RALGAPA1: variants seen among roughly 807,000 people sequenced by gnomAD.
The protein encoded by RALGAPA1 is Ral GTPase activating protein catalytic subunit alpha 1, also known as ral GTPase-activating protein subunit alpha-1.
A neutral mutation model predicts 269.6 loss-of-function variants in RALGAPA1; 52 were observed. The observed-to-expected ratio is 0.19, with a 90% CI of 0.15 to 0.24. The LOEUF (loss-of-function observed/expected upper bound fraction) is 0.24, where lower values mean the gene tolerates loss of function less well. Ranked by LOEUF, RALGAPA1 falls within the 10% of genes least tolerant of loss-of-function variation. The pLI is 1.00. For synonymous variants in RALGAPA1, 817 were observed against 1,008.3 expected (o/e 0.81, Z 3.60); for missense variants, 1,917 against 3,013.9 (o/e 0.64, Z 8.52).
chr14:35,712,176 G>A (rs529309129), intron 16 of RALGAPA1, among the ~76,000 whole-genome samples: 5 of 151,236 alleles, frequency 3.3e-5, no homozygotes, highest in South Asian at 2.1e-4. Context: ...GAACCTGGGA[G>A]GCGAAGGTTG....
rs568572937 is a variant in RALGAPA1, at chr14:35,654,421, A to G, written c.5553T>C (p.His1851=). ...GGTAAATCTGAAGTCTAGGTACATA[A>G]TGAACCAGCATGTGAAGCATGTTAC... ...VACNMLHMLV[H]YVPRLQIYQP... is the part of the protein sequence containing the mutation. Residue 1851 remains histidine, a synonymous_variant, in exon 30 of 42, where the codon CAT becomes CAC. Transcript: ENST00000680220. 43 of 1,607,526 alleles carry G rather than the reference A, an allele frequency of 2.7e-5. No homozygotes were observed. Among genetic ancestry groups the G allele is most frequent in the African/African-American group, 2.0e-4 (15 of 74,870 alleles).
intron 16 of RALGAPA1, among the ~76,000 whole-genome samples, chr14:35,717,246 G>A (rs369003680): frequency 6.6e-6 from 1 of 152,240 alleles, no homozygotes; most frequent in Middle Eastern, 3.4e-3. Context: ...TGCCTCCCGG[G>A]TTCAAGCTAT....
chr14:35,618,539 A>C (rs2060401555), intron 35 of RALGAPA1, among the ~76,000 whole-genome samples: 1 of 152,162 alleles, frequency 6.6e-6, no homozygotes, highest in Non-Finnish European at 1.5e-5. Flanking sequence ...AGTTGTTTTC[A>C]TCAGAATCAG....
chr14:35,717,392 C>T lies in RALGAPA1; in HGVS notation c.2266+4296G>A, dbSNP rs548647423. On this transcript the variant is annotated intron_variant, in intron 16 of 41. Coordinates refer to ENST00000680220, the MANE Select transcript of RALGAPA1 (RefSeq NM_001346249.2). ...CTTGAACACCTGACCTCAGGTGATC[C>T]GCCCGCCTCGGCCTCCCAAAGTTCT... 3.2e-4 allele frequency among the ~76,000 whole-genome samples: 49 copies of T among 152,248 alleles called. 1 individual carries two copies. Among genetic ancestry groups the T allele is most frequent in the Admixed American group, 2.3e-3 (35 of 15,292 alleles).
intron 4 of RALGAPA1, among the ~76,000 whole-genome samples, chr14:35,768,807 A>G (rs1028280059): frequency 6.6e-6 from 1 of 151,632 alleles, no homozygotes; most frequent in Non-Finnish European, 1.5e-5. Flanking sequence ...TCGGGAGTTC[A>G]TGACCAGCCT....
At chr14:35,760,176 T>G (rs963380883) in intron 6 of RALGAPA1, among the ~76,000 whole-genome samples, 21 of 152,284 alleles carry the variant, frequency 1.4e-4, no homozygotes, top group African/African-American at 4.6e-4. Context: ...ATGAAAAATG[T>G]TAAATGATCT....
intron 10 of RALGAPA1, among the ~76,000 whole-genome samples, chr14:35,747,882 G>C (rs1179777906): frequency 6.6e-6 from 1 of 151,388 alleles, no homozygotes; most frequent in Admixed American, 6.6e-5. Flanking sequence ...ATAGCTTTTT[G>C]TTCTTTTATT....
At chr14:35,648,074 C>T (rs1179057737) in intron 31 of RALGAPA1, among the ~76,000 whole-genome samples, 1 of 150,644 alleles carries the variant, frequency 6.6e-6, no homozygotes, top group East Asian at 2.0e-4. Context: ...CAGGAGTTCA[C>T]GACTAGCCTG....
intron 16 of RALGAPA1, chr14:35,716,055 CCT>C: frequency 1.3e-5 from 13 of 984,728 alleles, no homozygotes; most frequent in Non-Finnish European, 1.6e-5. Context: ...TTAAAAAGCC[CCT>C]TTCTTCCCAA....
intron 32 of RALGAPA1, among the ~76,000 whole-genome samples, 171 bp from the exon 33 acceptor site, chr14:35,634,928 C>G (rs901704541): frequency 3.3e-5 from 5 of 152,152 alleles, no homozygotes; most frequent in Non-Finnish European, 7.4e-5. Context: ...GCAGGGATTA[C>G]AGGGAGGCCC....
At position 35,747,349 on chromosome 14, in the gene RALGAPA1, T is replaced by C. The variant is rs190870530; in HGVS notation, c.1251+1236A>G. ...AAACTGACTCAACAACTGGAAAGCC[T>C]GAATAGTTCTACAAGCTTTAAAATT... is the stretch of plus-strand genomic sequence containing the variant. On this transcript the variant is annotated intron_variant, in intron 10 of 41. Coordinates refer to ENST00000680220, the MANE Select transcript of RALGAPA1 (RefSeq NM_001346249.2). Among the ~76,000 whole-genome samples, 12 of 152,354 alleles carry C rather than the reference T, an allele frequency of 7.9e-5. No homozygotes were observed. In the East Asian group the frequency reaches 2.3e-3, roughly 29 times the overall value.
chr14:35,705,439 C>T (rs769030068), intron 16 of RALGAPA1, among the ~76,000 whole-genome samples: 18 of 151,772 alleles, frequency 1.2e-4, no homozygotes, highest in Non-Finnish European at 2.1e-4. Context: ...CAGTATGTAG[C>T]CTTTTCAGAT....
chr14:35,581,668 C>T (rs766948328), intron 37 of RALGAPA1, among the ~76,000 whole-genome samples: 1 of 152,034 alleles, frequency 6.6e-6, no homozygotes, highest in Non-Finnish European at 1.5e-5. Context: ...AAGTCAAAAG[C>T]ACAACGAAAT....
In RALGAPA1 at chr14:35,801,244, G is replaced by GACACACAC. The variant is rs201700521; in HGVS notation, c.106+7478_106+7485dup. 5.2e-3 allele frequency among the ~76,000 whole-genome samples: 699 copies of GACACACAC among 135,086 alleles called. 3 individuals are homozygous for GACACACAC. Among genetic ancestry groups the GACACACAC allele is most frequent in the East Asian group, 0.025 (120 of 4,754 alleles). 88.6% of individuals were successfully genotyped at this position (135,086 alleles called of 152,430 possible). ...GGGTCCTGCTATATATATATACACAGACACACACACACACACACACACACA... is the reference window on the plus strand; with the variant it reads ...GGGTCCTGCTATATATATATACACAGACACACACACACACACACACACACACACACACA... On this transcript the variant is annotated intron_variant, in intron 1 of 41. Coordinates refer to ENST00000680220, the MANE Select transcript of RALGAPA1 (RefSeq NM_001346249.2).
chr14:35,678,442 G>C (rs556554509), intron 21 of RALGAPA1, among the ~76,000 whole-genome samples: 1 of 152,128 alleles, frequency 6.6e-6, no homozygotes, highest in South Asian at 2.1e-4. Context: ...ATCAGACTTG[G>C]GGCAATTTAA....
intron 37 of RALGAPA1, among the ~76,000 whole-genome samples, chr14:35,580,511 G>T (rs556228194): frequency 1.3e-5 from 2 of 152,076 alleles, no homozygotes; most frequent in African/African-American, 4.8e-5. Flanking sequence ...ATTTCTAAGA[G>T]AAACTTAGCT....
At chr14:35,595,029 A>G (rs2058846627) in intron 37 of RALGAPA1, among the ~76,000 whole-genome samples, 1 of 152,024 alleles carries the variant, frequency 6.6e-6, no homozygotes, top group African/African-American at 2.4e-5. Context: ...GTCCTAAGTG[A>G]AATAAGCCAG....
intron 12 of RALGAPA1, among the ~76,000 whole-genome samples, chr14:35,728,797 A>G (rs1177262634): frequency 1.3e-5 from 2 of 151,164 alleles, no homozygotes; most frequent in African/African-American, 4.9e-5. Flanking sequence ...CAGCGGTATG[A>G]TTTCGGCTCA....
intron 31 of RALGAPA1, among the ~76,000 whole-genome samples, chr14:35,638,919 C>A (rs2061832251): frequency 6.6e-6 from 1 of 151,500 alleles, no homozygotes. Context: ...GAGCAAGACT[C>A]TGTCTCAAAA....
Sources: gnomAD v4.1 joint callset for allele counts (sites outside exome capture counted in the v4.1 genomes callset) on GRCh38, gnomAD v4.1.1 for gene constraint, MANE v1.5 for transcripts, NCBI Gene and HGNC (gene_info 2026-07-23, HGNC 2026-07-21) for gene names.